Variants in PLCB1 observed in about 807,000 individuals in gnomAD.
PLCB1 encodes 1-phosphatidylinositol 4,5-bisphosphate phosphodiesterase beta-1.
A neutral mutation model predicts 161.8 loss-of-function variants in PLCB1; 46 were observed. That is an observed-to-expected ratio of 0.28 (90% confidence interval 0.22 to 0.36). The LOEUF (loss-of-function observed/expected upper bound fraction) is 0.36, where lower values mean the gene tolerates loss of function less well. Ranked by LOEUF, PLCB1 falls within the 10% of genes least tolerant of loss-of-function variation. The pLI is 1.00. For synonymous variants in PLCB1, 517 were observed against 503.7 expected (o/e 1.03, Z -0.35); for missense variants, 1,016 against 1,472.5 (o/e 0.69, Z 5.07).
chr20:8,680,581 T>C (rs1317416251), intron 9 of PLCB1, among the ~76,000 whole-genome samples: 1 of 152,194 alleles, frequency 6.6e-6, no homozygotes, highest in African/African-American at 2.4e-5. Context: ...ACAGTTACAG[T>C]TCCCTGATTG....
intron 2 of PLCB1, among the ~76,000 whole-genome samples, chr20:8,202,875 A>G (rs1313313838): frequency 2.0e-5 from 3 of 152,158 alleles, no homozygotes; most frequent in Non-Finnish European, 4.4e-5. Flanking sequence ...AGCAGAGATG[A>G]GGAAGAACAC....
intron 2 of PLCB1, among the ~76,000 whole-genome samples, chr20:8,187,988 C>T (rs948914380): frequency 3.9e-5 from 6 of 151,994 alleles, no homozygotes; most frequent in African/African-American, 1.5e-4. Context: ...TGGCATGTAA[C>T]AGTGGTTGTT....
At chr20:8,182,600 A>C (rs1343023250) in intron 2 of PLCB1, among the ~76,000 whole-genome samples, 1 of 128,110 alleles carries the variant, frequency 7.8e-6, no homozygotes, top group Non-Finnish European at 1.6e-5. Context: ...TTTTTTTTTG[A>C]GACTGAGTCT....
chr20:8,708,869 A>G (rs112447789), intron 12 of PLCB1, 117 bp downstream of exon 12: 7 of 628,210 alleles, frequency 1.1e-5, no homozygotes, highest in African/African-American at 5.6e-5. Flanking sequence ...ATCATGTTGT[A>G]TATTAACTGG....
At chr20:8,348,094 G>A (rs73591739) in intron 2 of PLCB1, among the ~76,000 whole-genome samples, 1,862 of 152,328 alleles carry the variant, frequency 0.012, 45 homozygotes, top group African/African-American at 0.042. Flanking sequence ...TGTGAACACT[G>A]CAAGTTTCTG....
chr20:8,731,046 T>C (rs6086570), intron 18 of PLCB1, among the ~76,000 whole-genome samples: 61,462 of 151,546 alleles, frequency 0.41, 12,932 homozygotes, highest in East Asian at 0.65. Context: ...GCCTTACCGT[T>C]CTCAGGTATT....
intron 3 of PLCB1, among the ~76,000 whole-genome samples, chr20:8,568,223 T>C (rs1188423653): frequency 1.3e-5 from 2 of 152,338 alleles, no homozygotes; most frequent in Non-Finnish European, 1.5e-5. Flanking sequence ...TGGAAAACTT[T>C]AAAATATGAA....
rs1213727817 is a variant in PLCB1, at chr20:8,744,687, G to A, written c.2523+3114G>A. Among the ~76,000 whole-genome samples the A allele has an allele frequency of 2.4e-5, 3 of 124,454 alleles. No individual in the cohort carries two copies. The Admixed American group carries it at 2.4e-4, about 10-fold the overall frequency. 81.6% of individuals were successfully genotyped at this position (124,454 alleles called of 152,430 possible). A position where few individuals can be genotyped will look rare whatever the true frequency, so the allele number is the denominator to read the frequency against. ...ATAAAATTGTTTGTAAATATTTCCT[G>A]ATTCAGTGTATGGCCCCGATTCGAT... On this transcript the variant is annotated intron_variant, in intron 23 of 31. Transcript: ENST00000338037.
chr20:8,529,636 T>TG, intron 3 of PLCB1, among the ~76,000 whole-genome samples: 1 of 95,578 alleles, frequency 1.0e-5, no homozygotes, highest in East Asian at 2.4e-4. Context: ...TTCTCAGTAG[T>TG]TAATATACAA....
At chr20:8,766,090 A>G (rs750305191) in intron 26 of PLCB1, among the ~76,000 whole-genome samples, 27 of 152,164 alleles carry the variant, frequency 1.8e-4, no homozygotes, top group Admixed American at 7.9e-4. Context: ...ACAGCCCCAT[A>G]TACCCAAACC....
chr20:8,539,712 T>TTC (rs1386237675), intron 3 of PLCB1, among the ~76,000 whole-genome samples: 13 of 115,486 alleles, frequency 1.1e-4, no homozygotes, highest in Non-Finnish European at 1.5e-4. Flanking sequence ...TTCCTTCCTT[T>TTC]CTTTTCCTTT....
intron 2 of PLCB1, among the ~76,000 whole-genome samples, chr20:8,285,157 A>G (rs970226523): frequency 4.6e-5 from 7 of 151,184 alleles, no homozygotes; most frequent in Non-Finnish European, 7.4e-5. Context: ...TATTGATCCT[A>G]TAAACCAGAT....
intron 3 of PLCB1, among the ~76,000 whole-genome samples, chr20:8,445,543 T>C (rs1980784649): frequency 6.6e-6 from 1 of 151,942 alleles, no homozygotes; most frequent in East Asian, 1.9e-4. Flanking sequence ...CTTTTTTGGT[T>C]CCATATGAAC....
At chr20:8,461,168 A>G (rs576131984) in intron 3 of PLCB1, among the ~76,000 whole-genome samples, 1 of 152,286 alleles carries the variant, frequency 6.6e-6, no homozygotes, top group African/African-American at 2.4e-5. Context: ...TCTTGAGAAA[A>G]AGAATCTGAA....
chr20:8,576,036 C>T (rs965172087), intron 3 of PLCB1, among the ~76,000 whole-genome samples: 3 of 152,188 alleles, frequency 2.0e-5, no homozygotes. Flanking sequence ...TAAAATCATA[C>T]ATACTCACAT....
At chr20:8,510,590 C>T (rs1039228966) in intron 3 of PLCB1, among the ~76,000 whole-genome samples, 2 of 151,978 alleles carry the variant, frequency 1.3e-5, no homozygotes, top group Non-Finnish European at 2.9e-5. Context: ...GAGGTTTCGC[C>T]ATGTTGGCCA....
chr20:8,544,772 C>A (rs901639834), intron 3 of PLCB1, among the ~76,000 whole-genome samples: 2 of 152,134 alleles, frequency 1.3e-5, no homozygotes, highest in African/African-American at 2.4e-5. Context: ...CTGAAGTTTT[C>A]CCCCAAATGG....
At chr20:8,351,853 G>A (rs1426219764) in intron 2 of PLCB1, among the ~76,000 whole-genome samples, 4 of 152,068 alleles carry the variant, frequency 2.6e-5, no homozygotes, top group Admixed American at 6.5e-5. Context: ...GTGTTGGCAA[G>A]GATGCACAGC....
intron 2 of PLCB1, among the ~76,000 whole-genome samples, chr20:8,217,069 G>A (rs537105341): frequency 2.6e-5 from 4 of 152,218 alleles, no homozygotes; most frequent in Non-Finnish European, 5.9e-5. Context: ...CTGTGATGAA[G>A]CCTTTGTCCA....
Sources: allele counts gnomAD v4.1 joint callset (sites outside exome capture counted in the v4.1 genomes callset), GRCh38; gene constraint gnomAD v4.1.1; transcripts MANE v1.5; gene names NCBI Gene and HGNC (gene_info 2026-07-23, HGNC 2026-07-21).